Variants in AGBL1 observed in about 807,000 individuals in gnomAD.
The protein encoded by AGBL1 is AGBL carboxypeptidase 1.
A neutral mutation model predicts 118.9 loss-of-function variants in AGBL1; 130 were observed. The ratio of observed to expected loss-of-function variants is 1.09; its 90% CI spans 0.95 to 1.26. The LOEUF (loss-of-function observed/expected upper bound fraction) is 1.26, where lower values mean the gene tolerates loss of function less well. Ranked by LOEUF, AGBL1 falls within the 50% of genes most tolerant of loss-of-function variation. AGBL1 has a pLI of 0.00. For synonymous variants in AGBL1, 555 were observed against 478.9 expected (o/e 1.16, Z -2.08); for missense variants, 1,584 against 1,298.1 (o/e 1.22, Z -3.38).
chr15:86,923,889 T>C (rs950900414), intron 23 of AGBL1, among the ~76,000 whole-genome samples: 5 of 152,188 alleles, frequency 3.3e-5, no homozygotes, highest in Admixed American at 6.5e-5. Flanking sequence ...TTTAAAGCCA[T>C]GTGATTTGGA....
intron 18 of AGBL1, among the ~76,000 whole-genome samples, chr15:86,520,354 A>C (rs2083172288): frequency 6.6e-6 from 1 of 152,150 alleles, no homozygotes; most frequent in African/African-American, 2.4e-5. Context: ...GATTTGACTT[A>C]TTTATTTCAC....
chr15:87,028,932 T>C (rs1276315417), exon 25 of AGBL1: 2 of 1,384,838 alleles, frequency 1.4e-6, no homozygotes, highest in East Asian at 2.3e-5. Flanking sequence ...ACCTTCAAGA[T>C]GTTGTACATG....
chr15:86,083,957 A>C (rs1317474169), intron 1 of AGBL1, among the ~76,000 whole-genome samples: 1 of 152,192 alleles, frequency 6.6e-6, no homozygotes, highest in Non-Finnish European at 1.5e-5. Flanking sequence ...TTAGATAGCA[A>C]ACACTGTGTA....
intron 22 of AGBL1, among the ~76,000 whole-genome samples, chr15:86,690,498 C>T (rs956220886): frequency 6.6e-6 from 1 of 152,144 alleles, no homozygotes; most frequent in Non-Finnish European, 1.5e-5. Context: ...TTTAAACAGG[C>T]AAAAACGCTG....
In AGBL1 at chr15:86,914,628, A is replaced by C. The variant is rs976335602; in HGVS notation, c.*7334A>C. On this transcript the variant is annotated 3_prime_UTR_variant, in exon 23 of 23. Coordinates refer to ENST00000614907, the MANE Select transcript of AGBL1 (RefSeq NM_001386094.1). ...ATGTTTAAGCCTAAAACTTCAGCCCAACGAGCTAAACTCTGTTGTTATGCT... is the reference window on the plus strand; with the variant it reads ...ATGTTTAAGCCTAAAACTTCAGCCCCACGAGCTAAACTCTGTTGTTATGCT... The C allele has an allele frequency of 7.2e-5, 11 of 152,312 alleles. No homozygotes were observed. Among genetic ancestry groups the C allele is most frequent in the African/African-American group, 2.6e-4 (11 of 41,562 alleles). 9.4% of individuals were successfully genotyped at this position (152,312 alleles called of 1,614,324 possible).
intron 21 of AGBL1, among the ~76,000 whole-genome samples, chr15:86,565,753 C>T (rs556589643): frequency 1.3e-5 from 2 of 152,322 alleles, no homozygotes; most frequent in South Asian, 2.1e-4. Context: ...GGCAGGCAGG[C>T]CTCCTTGAGC....
At chr15:86,760,547 T>C (rs1196339954) in intron 22 of AGBL1, among the ~76,000 whole-genome samples, 3 of 152,076 alleles carry the variant, frequency 2.0e-5, no homozygotes, top group South Asian at 2.1e-4. Context: ...GCTTGCTTCC[T>C]GCTCCTGTGA....
In AGBL1 at chr15:86,079,921, C is replaced by G; in HGVS notation, c.-52C>G. On this transcript the variant is annotated 5_prime_UTR_variant, in exon 1 of 23. Transcript: ENST00000614907. ...GAGGTCAGCTTGGCAGCCGCTGCCTCTCCAGCCTGGATCTGGCCGCAGGCA... is the reference window on the plus strand; with the variant it reads ...GAGGTCAGCTTGGCAGCCGCTGCCTGTCCAGCCTGGATCTGGCCGCAGGCA... 1.6e-6 allele frequency: 2 copies of G among 1,221,296 alleles called. No individual in the cohort carries two copies. The highest frequency in any genetic ancestry group is 8.3e-5 in the South Asian group (2 of 24,150). The allele number at this position is 1,221,296 out of a possible 1,614,324, so 75.7% of individuals were successfully genotyped here. A position where few individuals can be genotyped will look rare whatever the true frequency, so the allele number is the denominator to read the frequency against.
At chr15:86,682,088 G>T (rs369590295) in intron 22 of AGBL1, among the ~76,000 whole-genome samples, 1 of 152,118 alleles carries the variant, frequency 6.6e-6, no homozygotes, top group African/African-American at 2.4e-5. Flanking sequence ...ATTCTATTCA[G>T]ATTTTAAAAA....
intron 22 of AGBL1, among the ~76,000 whole-genome samples, chr15:86,801,190 T>G (rs1596493752): frequency 6.6e-6 from 1 of 152,176 alleles, no homozygotes; most frequent in Non-Finnish European, 1.5e-5. Flanking sequence ...GTTCCTTTAG[T>G]TCTTTTAAGT....
At chr15:86,097,296 TG>T (rs375998774) in intron 1 of AGBL1, among the ~76,000 whole-genome samples, 1 of 152,324 alleles carries the variant, frequency 6.6e-6, no homozygotes, top group African/African-American at 2.4e-5. Flanking sequence ...ACTGAGTATT[TG>T]TTGTTTCTGT....
chr15:86,860,303 T>C (rs2079543193), intron 22 of AGBL1, among the ~76,000 whole-genome samples: 2 of 152,088 alleles, frequency 1.3e-5, no homozygotes, highest in Admixed American at 1.3e-4. Context: ...AGACTAGACA[T>C]AGCCATTATC....
rs573926515 is a variant in AGBL1, at chr15:86,171,444, A to G, written c.488+12418A>G. ...GTATATTAACAATTAAATGTAGACT[A>G]TGATAATTTGAAAACGTACACTAAA... is the stretch of plus-strand genomic sequence containing the variant. On this transcript the variant is annotated intron_variant, in intron 5 of 22. Transcript: ENST00000614907. Among the ~76,000 whole-genome samples the G allele has an allele frequency of 3.6e-4, 55 of 151,418 alleles. No homozygotes were observed. In the South Asian group the frequency reaches 0.011, roughly 30 times the overall value.
At chr15:86,419,754 C>T (rs1462842930) in intron 18 of AGBL1, among the ~76,000 whole-genome samples, 4 of 152,172 alleles carry the variant, frequency 2.6e-5, no homozygotes, top group East Asian at 3.9e-4. Flanking sequence ...TGAAGTCGAC[C>T]TGGGATGCTC....
rs187328363 is a variant in AGBL1, at chr15:86,753,557, C to G, written c.3158+79121C>G. ...GGATTACAGACACCCACCACCACAC[C>G]CGGCTAATTTTTGTATTTTTAGTAG... On this transcript the variant is annotated intron_variant, in intron 22 of 22. Coordinates refer to ENST00000614907, the MANE Select transcript of AGBL1 (RefSeq NM_001386094.1). 2.8e-3 allele frequency among the ~76,000 whole-genome samples: 421 copies of G among 151,888 alleles called. 3 individuals carry two copies. The highest frequency in any genetic ancestry group is 9.6e-3 in the African/African-American group (396 of 41,426).
intron 15 of AGBL1, 101 bp from the exon 16 acceptor site, chr15:86,279,537 GT>G (rs1260777465): frequency 1.7e-5 from 20 of 1,145,356 alleles, no homozygotes; most frequent in Non-Finnish European, 2.5e-5. Flanking sequence ...TGCCAGGACA[GT>G]ATATAACGCA....
At chr15:86,651,547 C>G (rs1258165862) in intron 21 of AGBL1, among the ~76,000 whole-genome samples, 2 of 152,166 alleles carry the variant, frequency 1.3e-5, no homozygotes, top group East Asian at 3.9e-4. Context: ...AGTTATTTGG[C>G]ATATACAATC....
intron 23 of AGBL1, among the ~76,000 whole-genome samples, chr15:86,975,700 T>C (rs2081170459): frequency 6.6e-6 from 1 of 151,216 alleles, no homozygotes; most frequent in Non-Finnish European, 1.5e-5. Context: ...TCTGAGAACT[T>C]CTTTCCTTAT....
At chr15:86,132,561 G>T (rs2076833953) in intron 1 of AGBL1, among the ~76,000 whole-genome samples, 1 of 152,154 alleles carries the variant, frequency 6.6e-6, no homozygotes, top group Admixed American at 6.5e-5. Context: ...GCTATAATTT[G>T]TCAACTGTGC....
Sources: gnomAD v4.1 joint callset for allele counts (sites outside exome capture counted in the v4.1 genomes callset) on GRCh38, gnomAD v4.1.1 for gene constraint, MANE v1.5 for transcripts, NCBI Gene and HGNC (gene_info 2026-07-23, HGNC 2026-07-21) for gene names.